GCNT1: variants seen among roughly 807,000 people sequenced by gnomAD.
GCNT1 encodes the protein beta-1,3-galactosyl-O-glycosyl-glycoprotein beta-1,6-N-acetylglucosaminyltransferase.
Under a neutral mutation model 26.2 loss-of-function variants are expected in GCNT1, and 16 were observed. The observed-to-expected ratio is 0.61, with a 90% CI of 0.41 to 0.93. The LOEUF (loss-of-function observed/expected upper bound fraction) is 0.93, where lower values mean the gene tolerates loss of function less well. Ranked by LOEUF, GCNT1 falls within the 40% of genes least tolerant of loss-of-function variation. The probability of loss-of-function intolerance (pLI) is 0.00; values close to 1 mark genes in which losing one functional copy is unlikely to be tolerated. For missense variants in GCNT1, 477 were observed against 526.7 expected (o/e 0.91, Z 0.92); for synonymous variants, 183 against 190.8 (o/e 0.96, Z 0.34).
At position 76,436,547 on chromosome 9, in the gene GCNT1, G is replaced by A. The variant is rs919821476; in HGVS notation, n.38+16660G>A. 1.1e-4 allele frequency among the ~76,000 whole-genome samples: 14 copies of A among 132,950 alleles called. No homozygotes were observed. In the Admixed American group the frequency reaches 1.2e-3, roughly 11 times the overall value. The allele number at this position is 132,950 out of a possible 152,430, so 87.2% of individuals were successfully genotyped here. ...GTGAAGGTTACAGTGAGCTGAGATC[G>A]CACCACTGCACTCTGCACTCCAGCC... is the stretch of plus-strand genomic sequence containing the variant. On this transcript the variant is annotated intron_variant and non_coding_transcript_variant, in intron 1 of 3. Transcript: ENST00000488136.
chr9:76,439,417 G>T (rs1450154493), upstream of GCNT1, among the ~76,000 whole-genome samples: 3 of 151,998 alleles, frequency 2.0e-5, no homozygotes, highest in Non-Finnish European at 1.5e-5. Flanking sequence ...TAGAGATGGG[G>T]CTTCGCCATG....
At chr9:76,394,320 G>A in the GCNT1 span, 27,106 of 671,784 alleles carry the variant, frequency 0.04, 767 homozygotes, top group Non-Finnish European at 0.054. Context: ...GGACGACGCC[G>A]ACCACAGGCC....
chr9:76,489,892 G>T (rs543478358), intron 2 of GCNT1, among the ~76,000 whole-genome samples: 1 of 152,174 alleles, frequency 6.6e-6, no homozygotes, highest in Non-Finnish European at 1.5e-5. Context: ...AAAGGCCAGT[G>T]GGTCAGTCCA....
chr9:76,467,056 T>TC (rs397935883), intron 2 of GCNT1, among the ~76,000 whole-genome samples: 2 of 151,990 alleles, frequency 1.3e-5, no homozygotes, highest in African/African-American at 4.8e-5. Context: ...TTTTTTTTTT[T>TC]CTTTGAGATG....
At chr9:76,401,838 T>C in the GCNT1 span, among the ~76,000 whole-genome samples, 1 of 152,176 alleles carries the variant, frequency 6.6e-6, no homozygotes, top group Admixed American at 6.5e-5. Flanking sequence ...GTGGCTGCAG[T>C]GAGCCATGAT....
upstream of GCNT1, among the ~76,000 whole-genome samples, chr9:76,458,345 G>A (rs901558088): frequency 1.3e-5 from 2 of 151,870 alleles, no homozygotes; most frequent in Non-Finnish European, 2.9e-5. Flanking sequence ...ACCACGCCTG[G>A]CTAATTTTTT....
chr9:76,473,408 G>A (rs1319547738), intron 2 of GCNT1, among the ~76,000 whole-genome samples: 2 of 152,122 alleles, frequency 1.3e-5, no homozygotes, highest in Non-Finnish European at 2.9e-5. Flanking sequence ...TAGTAAACTG[G>A]AAATATGGAT....
At chr9:76,452,158 G>T (rs1187139157) in intron 1 of GCNT1, among the ~76,000 whole-genome samples, 1 of 151,808 alleles carries the variant, frequency 6.6e-6, no homozygotes, top group Non-Finnish European at 1.5e-5. Flanking sequence ...TAGTACAGAT[G>T]GGGTTTCACC....
At chr9:76,472,949 A>C (rs1454674827) in intron 2 of GCNT1, among the ~76,000 whole-genome samples, 3 of 152,044 alleles carry the variant, frequency 2.0e-5, no homozygotes, top group Non-Finnish European at 4.4e-5. Flanking sequence ...GGGTTTCACC[A>C]CGTTGGCCGG....
At chr9:76,415,908 C>G (rs191294500), upstream of GCNT1, among the ~76,000 whole-genome samples, 29 of 152,274 alleles carry the variant, frequency 1.9e-4, no homozygotes, top group Non-Finnish European at 4.0e-4. Flanking sequence ...CAAGATTGCT[C>G]TCATGCTTCC....
chr9:76,494,959 A>C (rs61474533), intron 2 of GCNT1, among the ~76,000 whole-genome samples: 12,552 of 152,222 alleles, frequency 0.082, 579 homozygotes, highest in Middle Eastern at 0.17. Context: ...CAACACTCCC[A>C]ACTCCAAAGA....
intron 2 of GCNT1, among the ~76,000 whole-genome samples, chr9:76,486,781 GAAGA>G (rs1016629484): frequency 2.6e-5 from 4 of 152,128 alleles, no homozygotes; most frequent in African/African-American, 9.7e-5. Context: ...AGTCAAAAGA[GAAGA>G]AAGAATAGGG....
chr9:76,456,966 C>A (rs1368209104), upstream of GCNT1, among the ~76,000 whole-genome samples: 1 of 152,162 alleles, frequency 6.6e-6, no homozygotes, highest in Non-Finnish European at 1.5e-5. Context: ...CAGAGTGAGA[C>A]CCTGTCACAT....
chr9:76,405,546 A>G, the GCNT1 span, among the ~76,000 whole-genome samples: 1 of 152,224 alleles, frequency 6.6e-6, no homozygotes, highest in South Asian at 2.1e-4. Context: ...TTACTTATTC[A>G]TCCCTCCCTC....
the GCNT1 span, chr9:76,398,560 T>C: frequency 1.5e-6 from 1 of 645,498 alleles, no homozygotes; most frequent in Non-Finnish European, 2.7e-6. Flanking sequence ...GAAATTGTGC[T>C]CACTTATATT....
chr9:76,433,616 C>T (rs1233579384), intron 1 of GCNT1, among the ~76,000 whole-genome samples: 7 of 152,158 alleles, frequency 4.6e-5, no homozygotes, highest in Non-Finnish European at 8.8e-5. Context: ...GTGCTGCAGT[C>T]GCGGTGGCCA....
intron 2 of GCNT1, among the ~76,000 whole-genome samples, chr9:76,481,670 A>T (rs1194290244): frequency 6.6e-6 from 1 of 152,140 alleles, no homozygotes; most frequent in African/African-American, 2.4e-5. Flanking sequence ...CACGTGATTT[A>T]AAAAAGAAGA....
intron 2 of GCNT1, among the ~76,000 whole-genome samples, chr9:76,472,741 TTTCTTTTC>T (rs1428311077): frequency 7.1e-5 from 7 of 98,438 alleles, no homozygotes; most frequent in African/African-American, 2.5e-4. Context: ...TTTCTTTTCT[TTTCTTTTC>T]TTTTTTTTTT....
At chr9:76,409,559 C>T in the GCNT1 span, among the ~76,000 whole-genome samples, 2 of 152,108 alleles carry the variant, frequency 1.3e-5, no homozygotes, top group Non-Finnish European at 2.9e-5. Flanking sequence ...GATTCTCGTG[C>T]CTCAGCCTCC....
Sources: gnomAD v4.1 joint callset for allele counts (sites outside exome capture counted in the v4.1 genomes callset) on GRCh38, gnomAD v4.1.1 for gene constraint, MANE v1.5 for transcripts, NCBI Gene and HGNC (gene_info 2026-07-23, HGNC 2026-07-21) for gene names.